VPS35L: variants seen among roughly 807,000 people sequenced by gnomAD.
VPS35L encodes VPS35 endosomal protein-sorting factor-like.
VPS35L carries 83 observed loss-of-function variants against 133.0 expected under a neutral mutation model. That is an observed-to-expected ratio of 0.62 (90% CI 0.52 to 0.75). The LOEUF (loss-of-function observed/expected upper bound fraction) is 0.75, where lower values mean the gene tolerates loss of function less well. Ranked by LOEUF, VPS35L falls within the 30% of genes least tolerant of loss-of-function variation. The pLI is 0.00. For synonymous variants in VPS35L, 423 were observed against 449.9 expected (o/e 0.94, Z 0.76); for missense variants, 1,083 against 1,206.8 (o/e 0.90, Z 1.52).
At chr16:19,608,832 C>T in intron 10 of VPS35L, 142 bp from the exon 11 acceptor site, 1 of 630,090 alleles carries the variant, frequency 1.6e-6, no homozygotes, top group Non-Finnish European at 2.8e-6. Context: ...CCATAAGCTA[C>T]CTTAGTTCGC....
intron 9 of VPS35L, among the ~76,000 whole-genome samples, chr16:19,606,528 G>A (rs1005439637): frequency 6.6e-6 from 1 of 152,024 alleles, no homozygotes; most frequent in African/African-American, 2.4e-5. Flanking sequence ...CAAAAATAGA[G>A]TGAGGAGATT....
chr16:19,683,133 C>T (rs114854851), intron 28 of VPS35L, among the ~76,000 whole-genome samples: 148 of 152,004 alleles, frequency 9.7e-4, no homozygotes, highest in African/African-American at 3.5e-3. Context: ...CACCATGTTA[C>T]GCTGGTCTCA....
At chr16:19,590,302 A>G (rs912764356) in intron 7 of VPS35L, among the ~76,000 whole-genome samples, 1 of 151,942 alleles carries the variant, frequency 6.6e-6, no homozygotes, top group African/African-American at 2.4e-5. Flanking sequence ...ATGTCAACCT[A>G]TCTCTTGACA....
At chr16:19,556,994 T>C (rs951678569) in intron 1 of VPS35L, among the ~76,000 whole-genome samples, 1 of 152,058 alleles carries the variant, frequency 6.6e-6, no homozygotes, top group Non-Finnish European at 1.5e-5. Context: ...GCTAAATTAG[T>C]GGTGGCACGC....
chr16:19,652,215 C>T (rs1485700031), intron 26 of VPS35L, 125 bp downstream of exon 26: 1 of 729,692 alleles, frequency 1.4e-6, no homozygotes, highest in East Asian at 2.8e-5. Context: ...CTCACTCTGT[C>T]ACCCAGGCTG....
At chr16:19,581,019 C>A (rs556276333) in intron 6 of VPS35L, among the ~76,000 whole-genome samples, 5 of 152,250 alleles carry the variant, frequency 3.3e-5, no homozygotes, top group African/African-American at 1.2e-4. Flanking sequence ...TTCTCCTGAG[C>A]ATTTATCTCA....
chr16:19,643,456 A>G (rs187000964), intron 22 of VPS35L, among the ~76,000 whole-genome samples: 7 of 152,276 alleles, frequency 4.6e-5, no homozygotes, highest in East Asian at 3.9e-4. Flanking sequence ...CTCCCAGTCT[A>G]TCTGGGGTGT....
At chr16:19,616,219 T>C (rs1567425943) in intron 13 of VPS35L, 28 bp downstream of exon 13, 4 of 1,561,864 alleles carry the variant, frequency 2.6e-6, no homozygotes, top group Non-Finnish European at 3.5e-6. Context: ...GAATAGCTCA[T>C]CGATATAACA....
chr16:19,610,512 T>C (rs1972682513), intron 12 of VPS35L, 97 bp downstream of exon 12: 3 of 827,894 alleles, frequency 3.6e-6, no homozygotes, highest in East Asian at 2.8e-5. Context: ...CCGCAAGTCA[T>C]TGAGAGAAGG....
rs375804427 is a variant in VPS35L at position 19,575,042 on chromosome 16, C to G, written c.409-56C>G. Reference sequence around the variant, plus strand: ...GTATGTAAATGGCTCTGTTGGAAAACAATGAACATACTGCCTTCGATTTTT... The same window carrying G: ...GTATGTAAATGGCTCTGTTGGAAAAGAATGAACATACTGCCTTCGATTTTT... On this transcript the variant is annotated intron_variant, in intron 4 of 30. Coordinates refer to ENST00000417362, the MANE Select transcript of VPS35L (RefSeq NM_020314.7). The G allele has an allele frequency of 6.4e-4, 930 of 1,454,396 alleles. 10 individuals are homozygous for G. Among genetic ancestry groups the G allele is most frequent in the Non-Finnish European group, 1.6e-4 (165 of 1,056,736 alleles). The allele number at this position is 1,454,396 out of a possible 1,614,324, so 90.1% of individuals were successfully genotyped here.
chr16:19,660,217 C>T (rs920800831), intron 26 of VPS35L, among the ~76,000 whole-genome samples: 14 of 151,408 alleles, frequency 9.2e-5, no homozygotes, highest in African/African-American at 3.2e-4. Context: ...CCCAGCTACT[C>T]GGGAGGCTAA....
intron 19 of VPS35L, among the ~76,000 whole-genome samples, chr16:19,634,080 T>C (rs1973546789): frequency 6.6e-6 from 1 of 151,944 alleles, no homozygotes; most frequent in Non-Finnish European, 1.5e-5. Flanking sequence ...CACACATATA[T>C]ACATGTATGT....
intron 19 of VPS35L, among the ~76,000 whole-genome samples, chr16:19,635,042 T>C (rs1183005326): frequency 1.3e-5 from 2 of 152,126 alleles, no homozygotes; most frequent in East Asian, 3.9e-4. Flanking sequence ...TTATAATTCT[T>C]CAGAAATATC....
In VPS35L at chr16:19,578,049, TTGGTAAACTGCATGCTGCAGGCCAAGTC is replaced by T. The variant is rs1265301689; in HGVS notation, c.434-998_434-971del. On this transcript the variant is annotated intron_variant, in intron 5 of 30. Transcript: ENST00000417362. Reference sequence around the variant, plus strand: ...ACTAGGGGTATCCCCAGATCAGGGGTTGGTAAACTGCATGCTGCAGGCCAAGTCTGGTCCACTGCCTGTTTTTTAAGTA... The same window carrying T: ...ACTAGGGGTATCCCCAGATCAGGGGTTGGTCCACTGCCTGTTTTTTAAGTA... Among the ~76,000 whole-genome samples, 4 of 152,310 alleles carry T rather than the reference TTGGTAAACTGCATGCTGCAGGCCAAGTC, an allele frequency of 2.6e-5. No individual in the cohort carries two copies. In the East Asian group the frequency reaches 7.7e-4, roughly 29 times the overall value.
chr16:19,683,427 T>C (rs11644196), intron 28 of VPS35L, among the ~76,000 whole-genome samples: 42,150 of 152,140 alleles, frequency 0.28, 6,389 homozygotes, highest in Non-Finnish European at 0.33. Context: ...CAATAGGTAG[T>C]TTTTCAGCCC....
In VPS35L at chr16:19,615,478, C is replaced by T. The variant is rs909985090; in HGVS notation, c.1024-636C>T. 6.6e-5 allele frequency among the ~76,000 whole-genome samples: 10 copies of T among 151,242 alleles called. No individual in the cohort carries two copies. The Admixed American group carries it at 6.6e-4, about 10-fold the overall frequency. ...CAGCCCGGCCAACATGGTGAAACCC[C>T]GTCTCTACTAAAAATACAAAAATTA... is the stretch of plus-strand genomic sequence containing the variant. On this transcript the variant is annotated intron_variant, in intron 12 of 30. Coordinates refer to ENST00000417362, the MANE Select transcript of VPS35L (RefSeq NM_020314.7).
chr16:19,556,263 G>A (rs1223259453), intron 1 of VPS35L, among the ~76,000 whole-genome samples: 1 of 152,188 alleles, frequency 6.6e-6, no homozygotes, highest in Non-Finnish European at 1.5e-5. Context: ...GTATAATGGG[G>A]CAGACGCACA....
chr16:19,635,297 A>G (rs1973590045), intron 19 of VPS35L, among the ~76,000 whole-genome samples: 1 of 152,108 alleles, frequency 6.6e-6, no homozygotes, highest in East Asian at 1.9e-4. Flanking sequence ...GCAGTGAGCT[A>G]TGATAGCACC....
At chr16:19,691,776 T>C (rs1486011456) in intron 29 of VPS35L, among the ~76,000 whole-genome samples, 1 of 151,828 alleles carries the variant, frequency 6.6e-6, no homozygotes, top group Non-Finnish European at 1.5e-5. Flanking sequence ...TCTGCCCGAT[T>C]GTCCCTGTAG....
Sources: gnomAD v4.1 joint callset for allele counts (sites outside exome capture counted in the v4.1 genomes callset) on GRCh38, gnomAD v4.1.1 for gene constraint, MANE v1.5 for transcripts, NCBI Gene and HGNC (gene_info 2026-07-23, HGNC 2026-07-21) for gene names.